Variants in TXNRD2 observed in about 807,000 individuals in gnomAD.
The protein encoded by TXNRD2 is thioredoxin reductase 2, mitochondrial.
Under a neutral mutation model 70.8 loss-of-function variants are expected in TXNRD2, and 67 were observed. That is an observed-to-expected ratio of 0.95 (90% CI 0.78 to 1.16). The LOEUF (loss-of-function observed/expected upper bound fraction) is 1.16, where lower values mean the gene tolerates loss of function less well. TXNRD2 is among the 50% of genes most tolerant of loss of function. TXNRD2 has a pLI of 0.00. For synonymous variants in TXNRD2, 301 were observed against 295.8 expected (o/e 1.02, Z -0.18); for missense variants, 644 against 719.9 (o/e 0.89, Z 1.21).
In TXNRD2 at chr22:19,907,274, C is replaced by T. The variant is rs545100480; in HGVS notation, c.662+4103G>A. ...TGTGGGCGCCGTGGGTAGCAGTGAC[C>T]GCTCTCAGGAGGGTGTGGGCGCCGT... On this transcript the variant is annotated intron_variant, in intron 8 of 17. Transcript: ENST00000400521. Among the ~76,000 whole-genome samples the T allele has an allele frequency of 2.0e-4, 9 of 44,912 alleles. No individual in the cohort carries two copies. The East Asian group carries it at 2.2e-3, about 11-fold the overall frequency. The allele number at this position is 44,912 out of a possible 152,430, so 29.5% of individuals were successfully genotyped here. A position where few individuals can be genotyped will look rare whatever the true frequency, so the allele number is the denominator to read the frequency against.
At chr22:19,909,824 ACACAC>A in intron 8 of TXNRD2, among the ~76,000 whole-genome samples, 1 of 101,046 alleles carries the variant, frequency 9.9e-6, no homozygotes, top group African/African-American at 4.3e-5. Context: ...CACACACACC[ACACAC>A]CACACACACC....
intron 11 of TXNRD2, among the ~76,000 whole-genome samples, chr22:19,891,013 A>G (rs1939241457): frequency 1.3e-5 from 2 of 152,186 alleles, no homozygotes; most frequent in African/African-American, 4.8e-5. Flanking sequence ...ATACAGGGGC[A>G]GGCTGTGGGG....
chr22:19,923,562 A>G (rs1940997681), intron 2 of TXNRD2, among the ~76,000 whole-genome samples: 1 of 152,146 alleles, frequency 6.6e-6, no homozygotes, highest in Non-Finnish European at 1.5e-5. Context: ...CGAGGCGGGC[A>G]GATCACCTGA....
chr22:19,915,744 G>A lies in TXNRD2; in HGVS notation c.528+21C>T, dbSNP rs147097745. 100 of 1,613,060 alleles carry A rather than the reference G, an allele frequency of 6.2e-5. No individual in the cohort carries two copies. The East Asian group carries it at 1.7e-3, about 27-fold the overall frequency. ...TGCAGAAGGGTCCACAAGGAGCCAC[G>A]CGAGTAAGTCAGATGCTCACCTCTT... On this transcript the variant is annotated intron_variant, in intron 6 of 17. Transcript: ENST00000400521.
intron 3 of TXNRD2, 117 bp from the exon 4 acceptor site, chr22:19,919,121 G>C (rs572091349): frequency 2.1e-6 from 2 of 969,406 alleles, no homozygotes; most frequent in Non-Finnish European, 3.1e-6. Flanking sequence ...ACACAGACCA[G>C]CTGACATGCC....
chr22:19,895,030 G>T lies in TXNRD2; in HGVS notation c.949+377C>A, dbSNP rs2145968416. 18 of 1,552,566 alleles carry T rather than the reference G, an allele frequency of 1.2e-5. No homozygotes were observed. The South Asian group carries it at 2.1e-4, about 18-fold the overall frequency. On this transcript the variant is annotated intron_variant, in intron 11 of 17. Coordinates refer to ENST00000400521, the MANE Select transcript of TXNRD2 (RefSeq NM_006440.5). ...ACTTAAACCTGGAAGGTGACAAGTA[G>T]GATTTATGTGCTGAAACCTTAATAA... is the stretch of plus-strand genomic sequence containing the variant.
intron 14 of TXNRD2, 122 bp downstream of exon 14, chr22:19,880,057 C>T: frequency 9.7e-7 from 1 of 1,027,670 alleles, no homozygotes; most frequent in Non-Finnish European, 1.5e-6. Context: ...TACACACAGC[C>T]ACTGCTCAGG....
intron 11 of TXNRD2, among the ~76,000 whole-genome samples, chr22:19,886,397 G>A (rs1425199847): frequency 6.6e-6 from 1 of 152,282 alleles, no homozygotes; most frequent in Non-Finnish European, 1.5e-5. Flanking sequence ...GTGCTGGACA[G>A]CCAATCAGGC....
At chr22:19,941,627 C>CG in intron 1 of TXNRD2, 74 bp downstream of exon 1, 1 of 1,368,264 alleles carries the variant, frequency 7.3e-7, no homozygotes, top group Non-Finnish European at 9.3e-7. Context: ...CTGGCCACCG[C>CG]CGCGCGGACA....
intron 2 of TXNRD2, among the ~76,000 whole-genome samples, chr22:19,926,175 A>AAAAG (rs1203521500): frequency 6.6e-6 from 1 of 150,546 alleles, no homozygotes; most frequent in Non-Finnish European, 1.5e-5. Context: ...AAAAAAAAAA[A>AAAAG]AAAGAAAGAA....
intron 9 of TXNRD2, 50 bp from the exon 10 acceptor site, chr22:19,898,180 T>G (rs1939603482): frequency 1.3e-6 from 2 of 1,504,916 alleles, no homozygotes; most frequent in African/African-American, 1.4e-5. Context: ...TTGGAAATGA[T>G]GGGACAACAC....
At chr22:19,900,180 G>A (rs987342500) in intron 8 of TXNRD2, among the ~76,000 whole-genome samples, 2 of 152,232 alleles carry the variant, frequency 1.3e-5, no homozygotes, top group African/African-American at 2.4e-5. Context: ...GGCCGGCTGA[G>A]CACAAGGTGG....
intron 2 of TXNRD2, among the ~76,000 whole-genome samples, chr22:19,922,259 T>C (rs1213055017): frequency 1.3e-5 from 2 of 152,204 alleles, no homozygotes; most frequent in Non-Finnish European, 2.9e-5. Context: ...TATTCCATAC[T>C]TTTTTATTTT....
At chr22:19,916,898 T>G (rs539110698) in intron 5 of TXNRD2, among the ~76,000 whole-genome samples, 2 of 152,236 alleles carry the variant, frequency 1.3e-5, no homozygotes, top group South Asian at 4.1e-4. Context: ...CATGAGCCAC[T>G]GCACCCGACC....
intron 7 of TXNRD2, among the ~76,000 whole-genome samples, chr22:19,913,190 CCTCT>C (rs1940491259): frequency 6.6e-6 from 1 of 152,198 alleles, no homozygotes; most frequent in African/African-American, 2.4e-5. Flanking sequence ...GAGTTATTCA[CCTCT>C]CTGTTAAAAA....
In TXNRD2 at chr22:19,877,096, G is replaced by A. The variant is rs1420998216; in HGVS notation, c.*9C>T. The A allele has an allele frequency of 6.3e-7, 1 of 1,593,230 alleles. No individual in the cohort carries two copies. Among genetic ancestry groups the A allele is most frequent in the Non-Finnish European group, 8.6e-7 (1 of 1,164,330 alleles). Reference sequence around the variant, plus strand: ...GCGCACCGTGTGCCCTGGCCTGCAGGGATGGCGCTTACCCTCAGCAGCCTG... The same window carrying A: ...GCGCACCGTGTGCCCTGGCCTGCAGAGATGGCGCTTACCCTCAGCAGCCTG... On this transcript the variant is annotated 3_prime_UTR_variant, in exon 17 of 18. Transcript: ENST00000400521.
rs1183485793 is a variant in TXNRD2, at chr22:19,875,737, G to T, written c.*136C>A. The T allele has an allele frequency of 6.6e-6, 1 of 152,420 alleles. No individual in the cohort carries two copies. Among genetic ancestry groups the T allele is most frequent in the Non-Finnish European group, 1.5e-5 (1 of 68,252 alleles). 9.4% of individuals were successfully genotyped at this position (152,420 alleles called of 1,614,324 possible). A position where few individuals can be genotyped will look rare whatever the true frequency, so the allele number is the denominator to read the frequency against. On this transcript the variant is annotated 3_prime_UTR_variant, in exon 18 of 18. Transcript: ENST00000400521. ...CACGGGCCACCTGTCCAGCACTTGCGCTCCACGCTGACCATCTCACAGGCG... is the reference window on the plus strand; with the variant it reads ...CACGGGCCACCTGTCCAGCACTTGCTCTCCACGCTGACCATCTCACAGGCG...
intron 11 of TXNRD2, chr22:19,894,952 A>G: frequency 2.9e-6 from 4 of 1,396,126 alleles, no homozygotes; most frequent in Non-Finnish European, 3.7e-6. Flanking sequence ...CCTGGGCGAC[A>G]GAGCGAGACT....
chr22:19,941,733 C>A lies in TXNRD2; in HGVS notation c.71G>T (p.Gly24Val). The A allele has an allele frequency of 6.7e-7, 1 of 1,490,720 alleles. No individual in the cohort carries two copies. Among genetic ancestry groups the A allele is most frequent in the Non-Finnish European group, 8.9e-7 (1 of 1,127,830 alleles). The allele number at this position is 1,490,720 out of a possible 1,614,324, so 92.3% of individuals were successfully genotyped here. A position where few individuals can be genotyped will look rare whatever the true frequency, so the allele number is the denominator to read the frequency against. The stretch of plus-strand genomic sequence containing the variant: ...GCCCCGCGCCGCGCCCCGCACCCCG[C>A]CCGCCACGGCCTGCGTCCGCCACCG... ...RFRWRTQAVA[G>V]GVRGAARGAA... Residue 24 changes from glycine (G) to valine (V), a missense_variant, in exon 1 of 18, where the codon GGC (glycine) becomes GTC (valine). Physicochemically the swap from Gly to Val is moderately radical, Grantham distance 109 (BLOSUM62 -3). Transcript: ENST00000400521.
Sources: allele counts gnomAD v4.1 joint callset (sites outside exome capture counted in the v4.1 genomes callset), GRCh38; gene constraint gnomAD v4.1.1; transcripts MANE v1.5; gene names NCBI Gene and HGNC (gene_info 2026-07-23, HGNC 2026-07-21).